The following SHISA9 variants were observed in gnomAD, a reference collection of about 807,000 sequenced individuals.
The protein encoded by SHISA9 is shisa family member 9.
In SHISA9, 13 loss-of-function variants were observed where a neutral mutation model predicts 38.0. That is an observed-to-expected ratio of 0.34 (90% confidence interval 0.22 to 0.54). The LOEUF (loss-of-function observed/expected upper bound fraction) is 0.54. SHISA9 is among the 20% of genes least tolerant of loss of function. The probability of loss-of-function intolerance (pLI) is 0.91; values close to 1 mark genes in which losing one functional copy is unlikely to be tolerated. For synonymous variants in SHISA9, 275 were observed against 242.0 expected (o/e 1.14, Z -1.27); for missense variants, 538 against 575.8 (o/e 0.93, Z 0.67).
At chr16:12,965,989 C>T (rs1193311859) in intron 2 of SHISA9, among the ~76,000 whole-genome samples, 2 of 152,210 alleles carry the variant, frequency 1.3e-5, no homozygotes, top group African/African-American at 4.8e-5. Flanking sequence ...CTGACCTTGG[C>T]TGTAGCATCA....
At chr16:13,069,628 C>A (rs1462302840) in intron 2 of SHISA9, among the ~76,000 whole-genome samples, 2 of 152,068 alleles carry the variant, frequency 1.3e-5, no homozygotes, top group Admixed American at 1.3e-4. Context: ...ATGTGTGTGT[C>A]TGTGTACATA....
At chr16:13,469,320 G>GAGAGAGAAAGAAAGAAAGAAAGAAAGAA in the SHISA9 span, among the ~76,000 whole-genome samples, 9 of 61,612 alleles carry the variant, frequency 1.5e-4, no homozygotes, top group Admixed American at 1.8e-4. Flanking sequence ...GAGAGAGAGA[G>GAGAGAGAAAGAAAGAAAGAAAGAAAGAA]AGAAAGAAAG....
intron 2 of SHISA9, among the ~76,000 whole-genome samples, chr16:13,038,913 A>G (rs889327076): frequency 5.3e-5 from 8 of 152,086 alleles, no homozygotes; most frequent in Non-Finnish European, 1.0e-4. Flanking sequence ...AGAATTCCCA[A>G]TATTATTATT....
At chr16:13,296,244 C>T in the SHISA9 span, among the ~76,000 whole-genome samples, 1 of 151,792 alleles carries the variant, frequency 6.6e-6, no homozygotes. Context: ...GCAACATTCC[C>T]CACCCTCCAT....
chr16:13,160,621 T>C (rs2050586763), intron 2 of SHISA9, among the ~76,000 whole-genome samples: 1 of 152,220 alleles, frequency 6.6e-6, no homozygotes, highest in African/African-American at 2.4e-5. Flanking sequence ...CTAAGTATGG[T>C]GCGTGAGAAC....
chr16:13,520,301 C>T, the SHISA9 span, among the ~76,000 whole-genome samples: 3 of 151,986 alleles, frequency 2.0e-5, no homozygotes, highest in South Asian at 4.2e-4. Context: ...TGATTGGGCA[C>T]GTAAAAAGTT....
the SHISA9 span, among the ~76,000 whole-genome samples, chr16:13,473,771 A>T: frequency 6.6e-6 from 1 of 152,166 alleles, no homozygotes; most frequent in Non-Finnish European, 1.5e-5. Context: ...GACTTCAGTA[A>T]ATCTAGTAGT....
At chr16:13,071,605 T>TTCCTTC (rs1567202391) in intron 2 of SHISA9, among the ~76,000 whole-genome samples, 101 of 142,306 alleles carry the variant, frequency 7.1e-4, no homozygotes, top group South Asian at 2.5e-3. Flanking sequence ...TCCTTCCCTT[T>TTCCTTC]CTTCCCTTCC....
the SHISA9 span, among the ~76,000 whole-genome samples, chr16:13,539,314 ATATAAAGACAGGATCTT>A: frequency 2.7e-3 from 115 of 43,148 alleles, 14 homozygotes; most frequent in African/African-American, 6.8e-3. Context: ...ATATATATAT[ATATAAAGACAGGATCTT>A]TATATATATA....
Position 12,914,179 on chromosome 16 carries a change from G to A in SHISA9, c.564-2509G>A, listed in dbSNP as rs143701160. Among the ~76,000 whole-genome samples, 1,475 of 151,406 alleles carry A rather than the reference G, an allele frequency of 9.7e-3. 30 individuals carry two copies. Among genetic ancestry groups the A allele is most frequent in the African/African-American group, 0.034 (1,391 of 41,224 alleles). ...TCCTGCCTCAGCCTCCCGAGTAGCTGGGACTAGGGGCATGCTCCACCACGC... is the reference window on the plus strand; with the variant it reads ...TCCTGCCTCAGCCTCCCGAGTAGCTAGGACTAGGGGCATGCTCCACCACGC... On this transcript the variant is annotated intron_variant, in intron 1 of 4. Coordinates refer to ENST00000558583, the MANE Select transcript of SHISA9 (RefSeq NM_001145204.3).
At chr16:13,136,564 G>A (rs169441) in intron 2 of SHISA9, among the ~76,000 whole-genome samples, 136,039 of 151,956 alleles carry the variant, frequency 0.9, 61,129 homozygotes, top group African/African-American at 0.97. Flanking sequence ...ACTCCCGGCT[G>A]ATTTTTTGTG....
chr16:13,115,155 A>G (rs1325657551), intron 2 of SHISA9, among the ~76,000 whole-genome samples: 6 of 152,182 alleles, frequency 3.9e-5, no homozygotes, highest in Non-Finnish European at 7.3e-5. Flanking sequence ...CTGATTCCTT[A>G]GCAGGGATGA....
the SHISA9 span, among the ~76,000 whole-genome samples, chr16:13,296,259 T>C: frequency 6.6e-6 from 1 of 152,192 alleles, no homozygotes; most frequent in African/African-American, 2.4e-5. Context: ...CTCCATCTTT[T>C]TGGCAGAAAC....
At chr16:12,971,365 G>A (rs373783268) in intron 2 of SHISA9, among the ~76,000 whole-genome samples, 1 of 152,210 alleles carries the variant, frequency 6.6e-6, no homozygotes, top group Non-Finnish European at 1.5e-5. Flanking sequence ...AGGAGGTTAT[G>A]GGGGAGACAG....
At chr16:13,183,405 A>G (rs886170925) in intron 2 of SHISA9, among the ~76,000 whole-genome samples, 1 of 152,258 alleles carries the variant, frequency 6.6e-6, no homozygotes, top group Non-Finnish European at 1.5e-5. Context: ...AGTGTTAGTA[A>G]TAGAAGTTAT....
chr16:12,963,005 T>G (rs1045644593), intron 2 of SHISA9, among the ~76,000 whole-genome samples: 48 of 152,282 alleles, frequency 3.2e-4, no homozygotes, highest in Non-Finnish European at 4.3e-4. Context: ...ATCCTGATCC[T>G]ACTGCCAAGC....
intron 1 of SHISA9, chr16:12,909,500 CAT>C: frequency 7.1e-6 from 7 of 985,384 alleles, no homozygotes; most frequent in Non-Finnish European, 8.4e-6. Context: ...ATATTGGTGT[CAT>C]ATATTTGTCA....
At chr16:13,506,534 A>G in the SHISA9 span, among the ~76,000 whole-genome samples, 1 of 152,208 alleles carries the variant, frequency 6.6e-6, no homozygotes, top group South Asian at 2.1e-4. Flanking sequence ...TAACTTGAGC[A>G]AAAGACCTGA....
At chr16:13,064,010 G>T (rs565513661) in intron 2 of SHISA9, among the ~76,000 whole-genome samples, 1 of 152,140 alleles carries the variant, frequency 6.6e-6, no homozygotes, top group African/African-American at 2.4e-5. Flanking sequence ...CCAGAGGCCC[G>T]TGGCTCTTCT....
Sources: gnomAD v4.1 joint callset for allele counts (sites outside exome capture counted in the v4.1 genomes callset) on GRCh38, gnomAD v4.1.1 for gene constraint, MANE v1.5 for transcripts, NCBI Gene and HGNC (gene_info 2026-07-23, HGNC 2026-07-21) for gene names.